Variants in CDH5 observed in about 807,000 individuals in gnomAD.
CDH5 encodes cadherin 5.
Under a neutral mutation model 62.0 loss-of-function variants are expected in CDH5, and 28 were observed. That is an observed-to-expected ratio of 0.45 (90% CI 0.33 to 0.62). The LOEUF (loss-of-function observed/expected upper bound fraction) is 0.62, where lower values mean the gene tolerates loss of function less well. CDH5 is among the 20% of genes least tolerant of loss of function. CDH5 has a pLI of 0.02. For missense variants in CDH5, 940 were observed against 1,065.1 expected (o/e 0.88, Z 1.63); for synonymous variants, 464 against 445.8 (o/e 1.04, Z -0.52).
chr16:66,380,261 ATGG>A (rs1461296965), intron 2 of CDH5, among the ~76,000 whole-genome samples: 2 of 136,094 alleles, frequency 1.5e-5, no homozygotes, highest in African/African-American at 2.9e-5. Flanking sequence ...GATCACGGTG[ATGG>A]TGGTGATGAT....
At chr16:66,370,224 T>C (rs1273046518) in intron 1 of CDH5, among the ~76,000 whole-genome samples, 1 of 152,126 alleles carries the variant, frequency 6.6e-6, no homozygotes, top group Non-Finnish European at 1.5e-5. Context: ...GGTTGCGAAC[T>C]CCTGACCTCA....
intron 1 of CDH5, among the ~76,000 whole-genome samples, chr16:66,376,911 C>T (rs776046264): frequency 6.6e-6 from 1 of 152,206 alleles, no homozygotes; most frequent in Non-Finnish European, 1.5e-5. Flanking sequence ...TGGAGCCCAT[C>T]ATGCAGTAGG....
At chr16:66,384,974 C>CAAAA (rs1960959001) in intron 2 of CDH5, among the ~76,000 whole-genome samples, 1 of 151,936 alleles carries the variant, frequency 6.6e-6, no homozygotes, top group Non-Finnish European at 1.5e-5. Flanking sequence ...AACAAACAAA[C>CAAAA]AAACAAAAAA....
chr16:66,380,440 G>A (rs1490192885), intron 2 of CDH5, among the ~76,000 whole-genome samples: 1 of 150,816 alleles, frequency 6.6e-6, no homozygotes, highest in East Asian at 2.0e-4. Context: ...TGTGATGATG[G>A]TGATGATGGT....
intron 1 of CDH5, chr16:66,379,087 A>C: frequency 3.8e-6 from 2 of 530,424 alleles, no homozygotes; most frequent in South Asian, 5.9e-5. Context: ...AAGGAAGTGT[A>C]GGGAAATTTA....
At chr16:66,399,536 C>T (rs889609915) in intron 10 of CDH5, among the ~76,000 whole-genome samples, 2 of 152,164 alleles carry the variant, frequency 1.3e-5, no homozygotes, top group Non-Finnish European at 2.9e-5. Context: ...CAGACCAGTC[C>T]TTAAGGAGAC....
chr16:66,379,429 C>T lies in CDH5; in HGVS notation c.92C>T (p.Ala31Val). The T allele has an allele frequency of 6.2e-7, 1 of 1,614,218 alleles. No homozygotes were observed. Among genetic ancestry groups the T allele is most frequent in the Non-Finnish European group, 8.5e-7 (1 of 1,180,038 alleles). ...AAVAAAGANP[A>V]QRDTHSLLPT... Reference sequence around the variant, plus strand: ...GTGGCAGCAGCAGGTGCTAACCCTGCCCAACGGGACACCCACAGCCTGCTG... The same window carrying T: ...GTGGCAGCAGCAGGTGCTAACCCTGTCCAACGGGACACCCACAGCCTGCTG... The change falls in exon 2 of 12, where the codon GCC (alanine) becomes GTC (valine). Residue 31 changes from alanine (A) to valine (V), a missense_variant. Physicochemically the swap from Ala to Val is moderately conservative, Grantham distance 64 (BLOSUM62 0). Transcript: ENST00000341529.
At chr16:66,395,926 T>C (rs1961176470) in intron 7 of CDH5, 133 bp from the exon 8 acceptor site, 3 of 789,412 alleles carry the variant, frequency 3.8e-6, no homozygotes, top group Non-Finnish European at 6.0e-6. Flanking sequence ...AGTGGCAGAG[T>C]GCAATGAGCA....
chr16:66,380,437 A>T (rs1009887608), intron 2 of CDH5, among the ~76,000 whole-genome samples: 1 of 145,108 alleles, frequency 6.9e-6, no homozygotes. Context: ...CGTTGTGATG[A>T]TGGTGATGAT....
rs377351535 is a variant in CDH5, at chr16:66,400,795, A to G, written c.1616A>G (p.Lys539Arg). 5 of 1,614,070 alleles carry G rather than the reference A, an allele frequency of 3.1e-6. No individual in the cohort carries two copies. The African/African-American group carries it at 6.7e-5, about 22-fold the overall frequency. Residue 539 changes from lysine (K) to arginine (R), a missense_variant, in exon 11 of 12, where the codon AAG becomes AGG. Physicochemically the swap from Lys to Arg is conservative, Grantham distance 26. Transcript: ENST00000341529. ...NHDNTANITV[K>R]YGQFDREHTK... is the part of the protein sequence containing the mutation. ...GATAACACGGCCAACATCACAGTCA[A>G]GTATGGGCAGTTTGACCGGGAGCAT...
rs186527455 is a variant in CDH5 at position 66,396,100 on chromosome 16, G to A, written c.1259G>A (p.Arg420Gln). 4.8e-5 allele frequency: 78 copies of A among 1,613,918 alleles called. No homozygotes were observed. In the Admixed American group the frequency reaches 8.2e-4, roughly 17 times the overall value. Residue 420 changes from arginine to glutamine, a missense_variant, in exon 8 of 12, where the codon CGA becomes CAA. Coordinates refer to ENST00000341529, the MANE Select transcript of CDH5 (RefSeq NM_001795.5). Reference protein sequence around the residue: ...RRTSDKGQFFRVTKKGDIYNE... With the variant: ...RRTSDKGQFFQVTKKGDIYNE... ...ACCAGTGACAAGGGCCAGTTCTTCC[G>A]AGTCACAAAAAAGGGGGACATTTAC...
rs114629504 is a variant in CDH5 at position 66,397,365 on chromosome 16, G to A, written c.1361-617G>A. On this transcript the variant is annotated intron_variant, in intron 8 of 11. Transcript: ENST00000341529. ...CTCCTGAGCAGCTGGGACTACAGGC[G>A]TGCACCACATTGCCCAGCAAATGTC... 2.6e-3 allele frequency among the ~76,000 whole-genome samples: 398 copies of A among 152,090 alleles called. 1 individual carries two copies. Among genetic ancestry groups the A allele is most frequent in the African/African-American group, 8.2e-3 (342 of 41,488 alleles).
Position 66,402,979 on chromosome 16 carries a change from GC to G in CDH5, c.2172del (p.Tyr725ThrfsTer15). On this transcript the variant is annotated frameshift_variant, in exon 12 of 12. Transcript: ENST00000341529. LOFTEE classifies it high-confidence loss of function. ...GACGAGGCGGACCACGACGGCGACG[GC>G]CCCCCCTACGACACGCTGCACATCT... is the stretch of plus-strand genomic sequence containing the variant. The part of the protein sequence containing the change: ...KKDEADHDGD[G>X]PPYDTLHIYG... 2 of 1,612,928 alleles carry G rather than the reference GC, an allele frequency of 1.2e-6. No homozygotes were observed. Among genetic ancestry groups the G allele is most frequent in the Non-Finnish European group, 8.5e-7 (1 of 1,179,868 alleles).
chr16:66,370,061 C>G (rs748529697), intron 1 of CDH5, among the ~76,000 whole-genome samples: 1 of 152,070 alleles, frequency 6.6e-6, no homozygotes, highest in South Asian at 2.1e-4. Flanking sequence ...AGTGCAATGG[C>G]GCAATCTTGG....
rs1354245146 is a variant in CDH5 at position 66,403,424 on chromosome 16, C to T, written c.*255C>T. ...TGTTCTGTCTGGGCTCAGACATCCA[C>T]ATAACCCTGTCACCCACAGACCGCC... On this transcript the variant is annotated 3_prime_UTR_variant, in exon 12 of 12. Coordinates refer to ENST00000341529, the MANE Select transcript of CDH5 (RefSeq NM_001795.5). The surrounding 1 kb of genome is among the most constrained non-coding windows in gnomAD (Gnocchi z 4.3). 8 of 530,810 alleles carry T rather than the reference C, an allele frequency of 1.5e-5. No homozygotes were observed. The highest frequency in any genetic ancestry group is 9.8e-5 in the Admixed American group (3 of 30,726). 32.9% of individuals were successfully genotyped at this position (530,810 alleles called of 1,614,324 possible).
intron 11 of CDH5, 70 bp from the exon 12 acceptor site, chr16:66,402,582 G>A: frequency 7.3e-7 from 1 of 1,366,080 alleles, no homozygotes; most frequent in Non-Finnish European, 9.7e-7. Context: ...GGGCAGTGGG[G>A]ATGGGGGCAT....
At chr16:66,398,233 A>T in intron 9 of CDH5, 127 bp downstream of exon 9, 1 of 1,143,146 alleles carries the variant, frequency 8.7e-7, no homozygotes, top group Non-Finnish European at 1.3e-6. Flanking sequence ...CATTATGCCC[A>T]TTTTACAGAT....
intron 1 of CDH5, chr16:66,376,381 G>A (rs58850180): frequency 0.048 from 7,353 of 152,208 alleles, 193 homozygotes; most frequent in Non-Finnish European, 0.062. Flanking sequence ...CTGACCGCTG[G>A]CTGCGGTCAG....
chr16:66,392,406 G>C (rs913672017), intron 7 of CDH5, 23 bp downstream of exon 7: 4 of 1,613,430 alleles, frequency 2.5e-6, no homozygotes, highest in Non-Finnish European at 3.4e-6. Context: ...GTGTCGATGA[G>C]AATGATAAGG....
Sources: gnomAD v4.1 joint callset for allele counts (sites outside exome capture counted in the v4.1 genomes callset) on GRCh38, gnomAD v4.1.1 for gene constraint, Gnocchi (gnomAD v3.1) non-coding constraint, MANE v1.5 for transcripts, NCBI Gene and HGNC (gene_info 2026-07-23, HGNC 2026-07-21) for gene names.